Variants in ADARB2 observed in about 807,000 individuals in gnomAD.
ADARB2 encodes adenosine deaminase RNA specific B2 (inactive), also known as inactive double-stranded RNA-specific editase B2.
A neutral mutation model predicts 62.2 loss-of-function variants in ADARB2; 25 were observed. The observed-to-expected ratio is 0.40, with a 90% CI of 0.29 to 0.56. ADARB2 has a LOEUF of 0.56. Among genes scored for constraint, ADARB2 ranks in the 20% least tolerant of loss-of-function variants. The pLI is 0.43. For missense variants in ADARB2, 1,071 were observed against 1,077.4 expected (o/e 0.99, Z 0.08); for synonymous variants, 572 against 500.8 (o/e 1.14, Z -1.90).
At chr10:1,223,356 C>G (rs908809742) in intron 6 of ADARB2, among the ~76,000 whole-genome samples, 1 of 152,230 alleles carries the variant, frequency 6.6e-6, no homozygotes, top group Non-Finnish European at 1.5e-5. Flanking sequence ...GTCATGTCAT[C>G]TGCAAACAGG....
chr10:1,513,945 G>A (rs1041751097), intron 1 of ADARB2, among the ~76,000 whole-genome samples: 19 of 151,724 alleles, frequency 1.3e-4, no homozygotes, highest in Non-Finnish European at 2.7e-4. Flanking sequence ...AAATACAGCC[G>A]GGGGCAATGG....
At chr10:1,500,062 G>A (rs1033454604) in intron 1 of ADARB2, among the ~76,000 whole-genome samples, 1 of 152,184 alleles carries the variant, frequency 6.6e-6, no homozygotes. Flanking sequence ...GGTATCACTT[G>A]CTTTGTGAAT....
chr10:1,292,730 C>T (rs1035748040), intron 3 of ADARB2: 14 of 152,150 alleles, frequency 9.2e-5, no homozygotes, highest in Non-Finnish European at 1.3e-4. Context: ...TGCCACTGCC[C>T]GCTGACGGCC....
intron 1 of ADARB2, among the ~76,000 whole-genome samples, chr10:1,570,469 C>T (rs956943684): frequency 2.6e-5 from 4 of 152,050 alleles, no homozygotes; most frequent in Admixed American, 6.5e-5. Flanking sequence ...GCTCACCGCA[C>T]GGCAGGAAAG....
chr10:1,503,648 C>T (rs977009815), intron 1 of ADARB2, among the ~76,000 whole-genome samples: 2 of 152,088 alleles, frequency 1.3e-5, no homozygotes, highest in African/African-American at 4.8e-5. Context: ...ATGTAATCCT[C>T]AGTGTTAGAG....
At chr10:1,376,794 A>T (rs1318572909) in intron 2 of ADARB2, among the ~76,000 whole-genome samples, 1 of 139,636 alleles carries the variant, frequency 7.2e-6, no homozygotes, top group Non-Finnish European at 1.5e-5. Flanking sequence ...GGTGTGGAAG[A>T]GGAGGAAACA....
intron 3 of ADARB2, among the ~76,000 whole-genome samples, chr10:1,347,326 T>A (rs968992726): frequency 2.6e-5 from 4 of 152,208 alleles, no homozygotes; most frequent in Non-Finnish European, 5.9e-5. Context: ...AAGAATGAGA[T>A]TGCCAAATGC....
intron 1 of ADARB2, among the ~76,000 whole-genome samples, chr10:1,489,660 C>A (rs993075269): frequency 1.3e-5 from 2 of 152,196 alleles, no homozygotes; most frequent in Non-Finnish European, 2.9e-5. Flanking sequence ...GCAGAAGACA[C>A]CACGGTTATT....
chr10:1,293,267 GGAAGGAGGGAGGGAAAGAGCAGGGAGA>G (rs1831492930), intron 3 of ADARB2, among the ~76,000 whole-genome samples: 1 of 129,622 alleles, frequency 7.7e-6, no homozygotes, highest in Non-Finnish European at 1.6e-5. Flanking sequence ...ACAGAGGGAG[GGAAGGAGGGAGGGAAAGAGCAGGGAGA>G]GAAGGGGGAA....
intron 1 of ADARB2, among the ~76,000 whole-genome samples, chr10:1,571,971 G>A (rs759382937): frequency 5.4e-5 from 8 of 148,514 alleles, no homozygotes; most frequent in African/African-American, 1.8e-4. Context: ...GAGTGTGCAG[G>A]TGAGTGTGCT....
chr10:1,316,924 C>CTGTGCATGCTT (rs1457575908), intron 3 of ADARB2, among the ~76,000 whole-genome samples: 1 of 152,238 alleles, frequency 6.6e-6, no homozygotes, highest in Non-Finnish European at 1.5e-5. Flanking sequence ...GTGCGTGTGT[C>CTGTGCATGCTT]TGTGCATGCT....
At chr10:1,574,630 G>T (rs539990887) in intron 1 of ADARB2, among the ~76,000 whole-genome samples, 1 of 152,238 alleles carries the variant, frequency 6.6e-6, no homozygotes, top group South Asian at 2.1e-4. Context: ...GTGTCCTCAC[G>T]GGGTCCTCCC....
At chr10:1,423,734 G>A (rs1418809842) in intron 1 of ADARB2, among the ~76,000 whole-genome samples, 45 of 144,250 alleles carry the variant, frequency 3.1e-4, no homozygotes, top group African/African-American at 1.0e-3. Context: ...TAAGATCACT[G>A]TGTATGCAGT....
chr10:1,252,321 G>C (rs1831044415), intron 4 of ADARB2, among the ~76,000 whole-genome samples: 1 of 152,226 alleles, frequency 6.6e-6, no homozygotes, highest in Admixed American at 6.5e-5. Context: ...ACTGCCCCAA[G>C]GGTGTCATGT....
chr10:1,220,168 ATGGTGGTGATGATGG>A (rs1830675822), intron 6 of ADARB2, among the ~76,000 whole-genome samples: 1 of 71,060 alleles, frequency 1.4e-5, no homozygotes, highest in Admixed American at 1.2e-4. Context: ...GATGGTAATG[ATGGTGGTGATGATGG>A]TGGTGATGAT....
In ADARB2 at chr10:1,363,070, G is replaced by A. The variant is rs372626311; in HGVS notation, c.1035C>T (p.Pro345=). ...ALQELFDIQM[P]GHAPGRARRT... is the part of the protein sequence containing the mutation. ...TCCTGGCCCTGCCGGGCGCGTGGCC[G>A]GGCATCTGGATGTCGAACAGCTCCT... Residue 345 remains proline (P), a synonymous_variant, in exon 3 of 10, where the codon CCC becomes CCT. Coordinates refer to ENST00000381312, the MANE Select transcript of ADARB2 (RefSeq NM_018702.4). The A allele has an allele frequency of 5.2e-4, 756 of 1,457,862 alleles. No individual in the cohort carries two copies. The highest frequency in any genetic ancestry group is 6.3e-4 in the Non-Finnish European group (700 of 1,108,182). 90.3% of individuals were successfully genotyped at this position (1,457,862 alleles called of 1,614,324 possible). A position where few individuals can be genotyped will look rare whatever the true frequency, so the allele number is the denominator to read the frequency against.
intron 4 of ADARB2, among the ~76,000 whole-genome samples, chr10:1,267,650 AAC>A (rs1315319742): frequency 6.6e-6 from 1 of 152,186 alleles, no homozygotes; most frequent in Admixed American, 6.5e-5. Context: ...TCCAGAAAAA[AAC>A]ACGCACAATA....
intron 3 of ADARB2, among the ~76,000 whole-genome samples, chr10:1,304,079 C>G (rs1449032370): frequency 1.3e-5 from 2 of 150,726 alleles, no homozygotes; most frequent in African/African-American, 4.8e-5. Flanking sequence ...CACAGACTGG[C>G]AAATTGGATA....
chr10:1,439,096 A>G (rs1213304290), intron 1 of ADARB2, among the ~76,000 whole-genome samples: 4 of 142,380 alleles, frequency 2.8e-5, no homozygotes, highest in African/African-American at 7.9e-5. Context: ...TCCTCAGCAG[A>G]TGGAGGCAGG....
Sources: gnomAD v4.1 joint callset for allele counts (sites outside exome capture counted in the v4.1 genomes callset) on GRCh38, gnomAD v4.1.1 for gene constraint, MANE v1.5 for transcripts, NCBI Gene and HGNC (gene_info 2026-07-23, HGNC 2026-07-21) for gene names.